Variants in ZC3H12C observed in about 807,000 individuals in gnomAD.
ZC3H12C encodes probable ribonuclease ZC3H12C.
ZC3H12C carries 20 observed loss-of-function variants against 76.3 expected under a neutral mutation model. The observed-to-expected ratio is 0.26, with a 90% CI of 0.18 to 0.38. ZC3H12C has a LOEUF of 0.38. Ranked by LOEUF, ZC3H12C falls within the 10% of genes least tolerant of loss-of-function variation. The probability of loss-of-function intolerance (pLI) is 1.00; values close to 1 mark genes in which losing one functional copy is unlikely to be tolerated. For synonymous variants in ZC3H12C, 352 were observed against 399.6 expected, an observed-to-expected ratio of 0.88 and a Z score of 1.42; for missense variants, 874 against 1,086.5, an observed-to-expected ratio of 0.80 and a Z score of 2.75.
intron 1 of ZC3H12C, among the ~76,000 whole-genome samples, chr11:110,106,552 A>T (rs2134149327): frequency 6.6e-6 from 1 of 152,346 alleles, no homozygotes; most frequent in Admixed American, 6.5e-5. Context: ...TTCTTTGTAA[A>T]ATGGTGATAA....
rs868145037 is a variant in ZC3H12C, at chr11:110,165,527, G to T, written c.2442G>T (p.Glu814Asp). The stretch of plus-strand genomic sequence containing the variant: ...AGTTCACCTTCCAGAGCCTCCCTGA[G>T]CAACAGGAGCCAGCCTGGCGGATCC... ...YEQFTFQSLP[E>D]QQEPAWRIPY... The change falls in exon 6 of 6, where the codon GAG (glutamate) becomes GAT (aspartate). Residue 814 changes from glutamate to aspartate, a missense_variant. By Grantham distance (45) the Glu-to-Asp change is conservative. Around this residue, in one of 3 missense-constraint regions of ZC3H12C, gnomAD observed 395 missense variants for 434.4 expected, o/e 0.91. Coordinates refer to ENST00000278590, the MANE Select transcript of ZC3H12C (RefSeq NM_033390.2). 17 of 1,613,810 alleles carry T rather than the reference G, an allele frequency of 1.1e-5. No individual in the cohort carries two copies. Among genetic ancestry groups the T allele is most frequent in the Non-Finnish European group, 1.4e-5 (16 of 1,179,868 alleles).
intron 1 of ZC3H12C, among the ~76,000 whole-genome samples, chr11:110,096,836 T>C (rs1861121798): frequency 6.6e-6 from 1 of 152,240 alleles, no homozygotes. Context: ...AAGGACCGTG[T>C]CTTTTTGCCA....
Position 110,164,731 on chromosome 11 carries a change from C to T in ZC3H12C, c.1646C>T (p.Pro549Leu). The change falls in exon 6 of 6, where the codon CCA becomes CTA. Residue 549 changes from proline to leucine, a missense_variant. Coordinates refer to ENST00000278590, the MANE Select transcript of ZC3H12C (RefSeq NM_033390.2). This position sits in a 1 kb window ranked among gnomAD's most constrained non-coding sequence, Gnocchi z 5.7. ...SNGLPSGVHF[P>L]PQDQRPQGQY... ...GGCCTTCCATCTGGAGTTCATTTCC[C>T]ACCTCAGGATCAAAGACCACAGGGA... The T allele has an allele frequency of 6.2e-7, 1 of 1,613,986 alleles. No individual in the cohort carries two copies. The highest frequency in any genetic ancestry group is 8.5e-7 in the Non-Finnish European group (1 of 1,179,880).
chr11:110,106,457 G>A (rs1861330293), intron 1 of ZC3H12C, among the ~76,000 whole-genome samples: 1 of 152,210 alleles, frequency 6.6e-6, no homozygotes, highest in Admixed American at 6.5e-5. Flanking sequence ...GAGAGATGGA[G>A]ATTGAGTTCC....
intron 2 of ZC3H12C, 104 bp downstream of exon 2, chr11:110,137,518 T>C: frequency 1.5e-6 from 2 of 1,307,098 alleles, no homozygotes; most frequent in Non-Finnish European, 2.0e-6. Context: ...AAAGTCAACA[T>C]TTTTCTGTAT....
chr11:110,115,653 T>G (rs1861512872), intron 1 of ZC3H12C, among the ~76,000 whole-genome samples: 1 of 151,986 alleles, frequency 6.6e-6, no homozygotes, highest in Non-Finnish European at 1.5e-5. Flanking sequence ...TAGGCTGGTC[T>G]TGAACTTCTG....
chr11:110,120,281 T>C (rs999048169), intron 1 of ZC3H12C, among the ~76,000 whole-genome samples: 3 of 152,150 alleles, frequency 2.0e-5, no homozygotes, highest in African/African-American at 7.2e-5. Context: ...TTATTTAATA[T>C]ATATTGTTGA....
At chr11:110,118,120 T>C in intron 1 of ZC3H12C, among the ~76,000 whole-genome samples, 1 of 148,624 alleles carries the variant, frequency 6.7e-6, no homozygotes, top group Non-Finnish European at 1.5e-5. Context: ...ACACATACTT[T>C]ATACACACAT....
chr11:110,117,651 T>TACAC (rs201029016), intron 1 of ZC3H12C, among the ~76,000 whole-genome samples: 9 of 143,990 alleles, frequency 6.3e-5, no homozygotes, highest in East Asian at 2.0e-4. Context: ...TATATATATA[T>TACAC]ACACACACAC....
At chr11:110,110,635 A>C (rs1291171308) in intron 1 of ZC3H12C, among the ~76,000 whole-genome samples, 1 of 152,198 alleles carries the variant, frequency 6.6e-6, no homozygotes, top group South Asian at 2.1e-4. Context: ...CCTGTAAGAC[A>C]ATGAACAGAC....
Position 110,165,222 on chromosome 11 carries a change from T to C in ZC3H12C, c.2137T>C (p.Ser713Pro). 6.2e-7 allele frequency: 1 copy of C among 1,613,962 alleles called. No homozygotes were observed. The highest frequency in any genetic ancestry group is 8.5e-7 in the Non-Finnish European group (1 of 1,179,896). The change falls in exon 6 of 6, where the codon TCC becomes CCC. Residue 713 changes from serine to proline, a missense_variant. By Grantham distance (74) the Ser-to-Pro change is moderately conservative. This residue lies in a region of ZC3H12C where 395 missense variants were observed against 434.4 expected (regional missense o/e 0.91). Coordinates refer to ENST00000278590, the MANE Select transcript of ZC3H12C (RefSeq NM_033390.2). ...GCACCTGGCTCTGCACCTGCCGCAC[T>C]CCGCTGTGGGCGCCCGGTCCAGCTG... The part of the protein sequence containing the change: ...LPHLALHLPH[S>P]AVGARSSCPG...
intron 1 of ZC3H12C, among the ~76,000 whole-genome samples, chr11:110,121,806 A>G (rs1182983310): frequency 6.6e-6 from 1 of 152,206 alleles, no homozygotes. Context: ...TAAAATTTAC[A>G]AAGTACTTTT....
At chr11:110,130,525 G>C (rs1403138929) in intron 1 of ZC3H12C, among the ~76,000 whole-genome samples, 3 of 152,180 alleles carry the variant, frequency 2.0e-5, no homozygotes, top group Non-Finnish European at 4.4e-5. Flanking sequence ...TACTGCAATA[G>C]TTAATTGCTA....
At chr11:110,096,899 G>A (rs147144678) in intron 1 of ZC3H12C, among the ~76,000 whole-genome samples, 6 of 152,320 alleles carry the variant, frequency 3.9e-5, no homozygotes, top group African/African-American at 1.4e-4. Flanking sequence ...TTTCAGTCCA[G>A]CATGGCAAAT....
intron 2 of ZC3H12C, among the ~76,000 whole-genome samples, chr11:110,139,604 T>G (rs1297449400): frequency 6.6e-6 from 1 of 152,186 alleles, no homozygotes; most frequent in Non-Finnish European, 1.5e-5. Flanking sequence ...TTTCCCAAAC[T>G]TGACCACAAA....
At chr11:110,120,348 C>T (rs1861631023) in intron 1 of ZC3H12C, among the ~76,000 whole-genome samples, 1 of 152,092 alleles carries the variant, frequency 6.6e-6, no homozygotes, top group Non-Finnish European at 1.5e-5. Context: ...AAACAAAGCC[C>T]ATCTAACAGT....
chr11:110,152,758 A>G (rs1203859889), intron 2 of ZC3H12C, among the ~76,000 whole-genome samples, 161 bp from the exon 3 acceptor site: 1 of 151,900 alleles, frequency 6.6e-6, no homozygotes, highest in Non-Finnish European at 1.5e-5. Flanking sequence ...TTGATTTTCA[A>G]CTTAGTTATC....
At position 110,165,093 on chromosome 11, in the gene ZC3H12C, C is replaced by T. The variant is rs1862553636; in HGVS notation, c.2008C>T (p.Arg670Cys). ...GTGTCAACACATGCACCCTCACAGC[C>T]GCCTTAATCCTCAACCGTTCCTGCA... is the stretch of plus-strand genomic sequence containing the variant. ...LKCQHMHPHS[R>C]LNPQPFLQNF... Residue 670 changes from arginine (R) to cysteine (C), a missense_variant, in exon 6 of 6, where the codon CGC (arginine) becomes TGC (cysteine). Coordinates refer to ENST00000278590, the MANE Select transcript of ZC3H12C (RefSeq NM_033390.2). The T allele has an allele frequency of 4.3e-6, 7 of 1,613,612 alleles. No individual in the cohort carries two copies. Among genetic ancestry groups the T allele is most frequent in the Admixed American group, 1.7e-5 (1 of 60,004 alleles).
chr11:110,099,287 C>G (rs1251679640), intron 1 of ZC3H12C, among the ~76,000 whole-genome samples: 1 of 151,866 alleles, frequency 6.6e-6, no homozygotes, highest in African/African-American at 2.4e-5. Flanking sequence ...TTTTTAATGC[C>G]AAAAAGCTTT....
Sources: allele counts gnomAD v4.1 joint callset (sites outside exome capture counted in the v4.1 genomes callset), GRCh38; gene constraint gnomAD v4.1.1; regional missense constraint gnomAD v4.1.1; non-coding constraint Gnocchi (gnomAD v3.1); transcripts MANE v1.5; gene names NCBI Gene and HGNC (gene_info 2026-07-23, HGNC 2026-07-21).